FANCI: variants seen among roughly 807,000 people sequenced by gnomAD.
FANCI encodes the protein FA complementation group I.
A neutral mutation model predicts 176.1 loss-of-function variants in FANCI; 156 were observed. That is an observed-to-expected ratio of 0.89 (90% CI 0.78 to 1.01). The LOEUF (loss-of-function observed/expected upper bound fraction) is 1.01. Ranked by LOEUF, FANCI falls within the 50% of genes least tolerant of loss-of-function variation. The pLI is 0.00. For synonymous variants in FANCI, 613 were observed against 541.7 expected (o/e 1.13, Z -1.83); for missense variants, 1,678 against 1,534.1 (o/e 1.09, Z -1.57).
intron 2 of FANCI, among the ~76,000 whole-genome samples, chr15:89,253,512 A>AAAATAAATAAAT (rs10691127): frequency 8.7e-5 from 12 of 138,582 alleles, no homozygotes; most frequent in South Asian, 2.1e-4. Flanking sequence ...CTGTCTCTTA[A>AAAATAAATAAAT]AAATAAATAA....
At chr15:89,307,389 G>C (rs1005166404) in intron 32 of FANCI, 87 bp from the exon 33 acceptor site, 4 of 1,299,588 alleles carry the variant, frequency 3.1e-6, no homozygotes, top group Non-Finnish European at 4.4e-6. Context: ...CAGTCAGAAT[G>C]ATGAGTCACA....
chr15:89,249,056 C>CT (rs1294238349), intron 2 of FANCI, among the ~76,000 whole-genome samples: 1 of 152,084 alleles, frequency 6.6e-6, no homozygotes, highest in Non-Finnish European at 1.5e-5. Flanking sequence ...TAACTGTCAC[C>CT]TTTTTTAGAT....
chr15:89,294,843 A>G, intron 23 of FANCI, 72 bp from the exon 24 acceptor site: 2 of 1,474,502 alleles, frequency 1.4e-6, no homozygotes. Flanking sequence ...AATTTCTAGA[A>G]AGCTTAATTC....
At chr15:89,296,820 C>T in intron 24 of FANCI, among the ~76,000 whole-genome samples, 1 of 149,396 alleles carries the variant, frequency 6.7e-6, no homozygotes, top group South Asian at 2.2e-4. Flanking sequence ...GACCCCCCCA[C>T]CTCCCTCCCG....
At chr15:89,315,200 A>C (rs1417631403) in intron 36 of FANCI, 82 bp from the exon 37 acceptor site, 2 of 1,003,092 alleles carry the variant, frequency 2.0e-6, no homozygotes, top group Non-Finnish European at 3.2e-6. Context: ...AAGGTTTCTC[A>C]GAGGTGAACT....
intron 27 of FANCI, among the ~76,000 whole-genome samples, chr15:89,302,674 C>T (rs979315519): frequency 2.6e-5 from 4 of 151,708 alleles, no homozygotes; most frequent in Admixed American, 6.6e-5. Context: ...TCCGGGTTCA[C>T]GCCATTCTCC....
At chr15:89,265,795 C>G (rs1403421095) in intron 9 of FANCI, among the ~76,000 whole-genome samples, 1 of 149,876 alleles carries the variant, frequency 6.7e-6, no homozygotes, top group Non-Finnish European at 1.5e-5. Context: ...GTGCTGGGAT[C>G]ACAGGCGTGA....
In FANCI at chr15:89,274,190, C is replaced by A. The variant is rs761982725; in HGVS notation, c.998C>A (p.Ser333Ter). 5.7e-6 allele frequency: 9 copies of A among 1,581,352 alleles called. No homozygotes were observed. The Admixed American group carries it at 1.3e-4, about 22-fold the overall frequency. ...QDQVLDLLKTSVVKSFKDLQL... is the reference protein window; with the variant it reads ...QDQVLDLLKT ...AAGGTGCTTGATCTTTTAAAGACTT[C>A]GGTTGTAAAGAGCTTTAAGGATCTT... Residue 333 changes from serine to a stop codon, truncating the protein, a stop_gained, in exon 12 of 38, where the codon TCG (serine) becomes TAG (stop). Transcript: ENST00000310775. LOFTEE classifies it high-confidence loss of function.
chr15:89,311,213 C>G (rs959700436), intron 34 of FANCI, among the ~76,000 whole-genome samples: 2 of 151,768 alleles, frequency 1.3e-5, no homozygotes, highest in South Asian at 2.1e-4. Flanking sequence ...GAGATGAGAT[C>G]ACACCACTGC....
At chr15:89,297,567 C>T (rs370631882) in intron 24 of FANCI, among the ~76,000 whole-genome samples, 66 of 152,234 alleles carry the variant, frequency 4.3e-4, no homozygotes, top group East Asian at 2.7e-3. Context: ...GAGACCAACC[C>T]GGCCAACACA....
chr15:89,253,607 TCTAA>T (rs1287024012), intron 2 of FANCI, among the ~76,000 whole-genome samples: 1 of 152,126 alleles, frequency 6.6e-6, no homozygotes, highest in Non-Finnish European at 1.5e-5. Flanking sequence ...TGAAAAGCTT[TCTAA>T]CTGTCATACA....
chr15:89,309,831 T>C (rs1002641394), intron 34 of FANCI, among the ~76,000 whole-genome samples: 1 of 152,256 alleles, frequency 6.6e-6, no homozygotes, highest in Non-Finnish European at 1.5e-5. Flanking sequence ...GGCAGAATAA[T>C]GTTCCATAGA....
Position 89,292,950 on chromosome 15 carries a change from A to T in FANCI, c.2178A>T (p.Ser726=). Reference sequence around the variant, plus strand: ...TATCTTGTGTCTTTTAGGATAAATCAGCAGATTTTTCTCAGAGCACCAGTA... The same window carrying T: ...TATCTTGTGTCTTTTAGGATAAATCTGCAGATTTTTCTCAGAGCACCAGTA... The part of the protein sequence containing the change: ...SELEDFELDK[S]ADFSQSTSIG... Residue 726 remains serine (S), a synonymous_variant, in exon 22 of 38, where the codon TCA becomes TCT. Transcript: ENST00000310775. 1 of 1,614,138 alleles carries T rather than the reference A, an allele frequency of 6.2e-7. No homozygotes were observed. The highest frequency in any genetic ancestry group is 1.7e-5 in the Admixed American group (1 of 60,028).
In FANCI at chr15:89,285,101, T is replaced by C. The variant is rs200990786; in HGVS notation, c.1704T>C (p.His568=). 190 of 1,614,000 alleles carry C rather than the reference T, an allele frequency of 1.2e-4. No homozygotes were observed. Among genetic ancestry groups the C allele is most frequent in the Non-Finnish European group, 1.5e-4 (180 of 1,179,992 alleles). Residue 568 remains histidine, a synonymous_variant, in exon 18 of 38, where the codon CAT becomes CAC. Coordinates refer to ENST00000310775, the MANE Select transcript of FANCI (RefSeq NM_001113378.2). ...TTGGCCTGTCTTCCTTTCAGGTTCA[T>C]GTGGATGTTCACAGCCATTACAATT... ...CSQSLSVSQV[H]VDVHSHYNSV... is the part of the protein sequence containing the mutation.
At chr15:89,263,653 CAT>C (rs2052813445) in intron 7 of FANCI, among the ~76,000 whole-genome samples, 193 bp downstream of exon 7, 1 of 152,176 alleles carries the variant, frequency 6.6e-6, no homozygotes, top group Non-Finnish European at 1.5e-5. Context: ...TTATTTAAAA[CAT>C]AACTTTATTT....
chr15:89,256,706 G>A (rs1224263136), intron 2 of FANCI, among the ~76,000 whole-genome samples: 4 of 152,124 alleles, frequency 2.6e-5, no homozygotes, highest in East Asian at 3.9e-4. Context: ...ACTTCCACTT[G>A]GATATCTCAG....
At chr15:89,260,916 A>G (rs2151255600) in intron 4 of FANCI, 73 bp downstream of exon 4, 1 of 1,572,886 alleles carries the variant, frequency 6.4e-7, no homozygotes, top group Non-Finnish European at 8.7e-7. Context: ...GGGAAGGAAA[A>G]CTTAAGTGCC....
chr15:89,295,405 C>T (rs1181938305), intron 24 of FANCI, among the ~76,000 whole-genome samples: 1 of 150,658 alleles, frequency 6.6e-6, no homozygotes, highest in African/African-American at 2.4e-5. Context: ...GCAGCTCATG[C>T]CTGTAATCCC....
rs758161419 is a variant in FANCI, at chr15:89,304,055, C to T, written c.3058+140C>T. Reference sequence around the variant, plus strand: ...ATGAAACAGACACCTAATACCAAGTCGAATTGTTGGCAAGAATGTAGAGTA... The same window carrying T: ...ATGAAACAGACACCTAATACCAAGTTGAATTGTTGGCAAGAATGTAGAGTA... On this transcript the variant is annotated intron_variant, in intron 28 of 37. Transcript: ENST00000310775. 10 of 787,366 alleles carry T rather than the reference C, an allele frequency of 1.3e-5. No individual in the cohort carries two copies. In the East Asian group the frequency reaches 1.3e-4, roughly 10 times the overall value. 48.8% of individuals were successfully genotyped at this position (787,366 alleles called of 1,614,324 possible).
Sources: gnomAD v4.1 joint callset for allele counts (sites outside exome capture counted in the v4.1 genomes callset) on GRCh38, gnomAD v4.1.1 for gene constraint, MANE v1.5 for transcripts, NCBI Gene and HGNC (gene_info 2026-07-23, HGNC 2026-07-21) for gene names.